NHERF4: variants seen among roughly 807,000 people sequenced by gnomAD.
The protein encoded by NHERF4 is Na(+)/H(+) exchange regulatory cofactor NHE-RF4.
the NHERF4 span, chr11:119,188,649 T>C: frequency 6.5e-4 from 1,056 of 1,614,070 alleles, 4 homozygotes; most frequent in Middle Eastern, 4.5e-3. Flanking sequence ...GGTTCGCCTG[T>C]CCCCACTCCT....
the NHERF4 span, chr11:119,186,179 C>A: frequency 1.2e-6 from 2 of 1,614,146 alleles, no homozygotes; most frequent in Non-Finnish European, 8.5e-7. This position sits in a 1 kb window ranked among gnomAD's most constrained non-coding sequence, Gnocchi z 4.4. Flanking sequence ...ACTCCCTCAC[C>A]CCCTGGCAAC....
chr11:119,189,026 GC>G, the NHERF4 span: 1 of 1,614,114 alleles, frequency 6.2e-7, no homozygotes, highest in Non-Finnish European at 8.5e-7. The surrounding 1 kb of genome is among the most constrained non-coding windows in gnomAD (Gnocchi z 5.8). Flanking sequence ...AGGCTCAGCT[GC>G]CCGGGCTGGG....
the NHERF4 span, chr11:119,187,223 G>A: frequency 1.4e-6 from 2 of 1,456,248 alleles, no homozygotes; most frequent in Non-Finnish European, 9.1e-7. Context: ...CCTGGGGGTT[G>A]GCAAGAGGGT....
the NHERF4 span, chr11:119,188,328 G>A: frequency 2.5e-6 from 4 of 1,612,722 alleles, no homozygotes; most frequent in Non-Finnish European, 3.4e-6. Context: ...TAGCTGGAGA[G>A]GAGCAGTGAG....
At chr11:119,187,743 T>TGGGCCC in the NHERF4 span, 48 of 1,472,122 alleles carry the variant, frequency 3.3e-5, no homozygotes, top group South Asian at 2.6e-4. Flanking sequence ...AATCCGGGCC[T>TGGGCCC]GGGCCCCACC....
chr11:119,189,545 CAGCCTG>C, the NHERF4 span: 3 of 1,588,342 alleles, frequency 1.9e-6, no homozygotes, highest in African/African-American at 4.0e-5. This position sits in a 1 kb window ranked among gnomAD's most constrained non-coding sequence, Gnocchi z 5.8. Flanking sequence ...CTTCACTCTC[CAGCCTG>C]AGGTGGTGAA....
At chr11:119,188,362 C>T in the NHERF4 span, 4 of 1,613,928 alleles carry the variant, frequency 2.5e-6, no homozygotes, top group South Asian at 4.4e-5. Flanking sequence ...CAGGACAGTT[C>T]CTGTGGGAGG....
the NHERF4 span, chr11:119,186,687 G>T: frequency 2.1e-5 from 34 of 1,601,580 alleles, no homozygotes; most frequent in East Asian, 5.2e-4. This position sits in a 1 kb window ranked among gnomAD's most constrained non-coding sequence, Gnocchi z 4.4. Context: ...AAGACTATGC[G>T]GTGGTAAGGC....
the NHERF4 span, among the ~76,000 whole-genome samples, chr11:119,186,982 T>A: frequency 6.6e-6 from 1 of 151,656 alleles, no homozygotes; most frequent in African/African-American, 2.4e-5. This position sits in a 1 kb window ranked among gnomAD's most constrained non-coding sequence, Gnocchi z 4.4. Context: ...CTACTAAAAA[T>A]ACAGAAATTA....
At chr11:119,187,183 T>A in the NHERF4 span, 1 of 1,097,254 alleles carries the variant, frequency 9.1e-7, no homozygotes, top group Non-Finnish European at 1.2e-6. Context: ...GCCGATTCCC[T>A]TGGCAAAAAA....
chr11:119,187,326 G>C, the NHERF4 span: 4 of 1,612,722 alleles, frequency 2.5e-6, no homozygotes, highest in Non-Finnish European at 3.4e-6. Context: ...TATTGGCACG[G>C]CATGCACATG....
At chr11:119,188,812 G>A in the NHERF4 span, 1 of 1,614,204 alleles carries the variant, frequency 6.2e-7, no homozygotes, top group Non-Finnish European at 8.5e-7. Flanking sequence ...CCTGGTGGCA[G>A]CTATGGCTTC....
At chr11:119,186,250 T>G in the NHERF4 span, 1 of 1,613,402 alleles carries the variant, frequency 6.2e-7, no homozygotes, top group African/African-American at 1.3e-5. This position sits in a 1 kb window ranked among gnomAD's most constrained non-coding sequence, Gnocchi z 4.4. Context: ...TGGTAACCAC[T>G]CACTCGGTCT....
At chr11:119,185,704 A>C in the NHERF4 span, 1 of 776,844 alleles carries the variant, frequency 1.3e-6, no homozygotes, top group Non-Finnish European at 2.2e-6. Context: ...ATATGCTCAG[A>C]TTTATGTGCC....
chr11:119,186,604 A>G, the NHERF4 span: 123 of 1,613,856 alleles, frequency 7.6e-5, no homozygotes, highest in South Asian at 1.3e-3. The surrounding 1 kb of genome is among the most constrained non-coding windows in gnomAD (Gnocchi z 4.4). Flanking sequence ...GGACCCAGGC[A>G]CCTCTGCCCA....
chr11:119,188,441 G>A, the NHERF4 span: 1 of 1,613,544 alleles, frequency 6.2e-7, no homozygotes, highest in Non-Finnish European at 8.5e-7. Flanking sequence ...TGTGGCTGGG[G>A]AGAGCGTGGA....
chr11:119,189,303 G>A, the NHERF4 span: 1 of 1,497,466 alleles, frequency 6.7e-7, no homozygotes, highest in South Asian at 1.2e-5. This position sits in a 1 kb window ranked among gnomAD's most constrained non-coding sequence, Gnocchi z 5.8. Flanking sequence ...GTGAAGCCGT[G>A]TGGGGTATGC....
chr11:119,188,062 G>A, the NHERF4 span: 4 of 1,552,364 alleles, frequency 2.6e-6, no homozygotes, highest in South Asian at 4.8e-5. Context: ...TGCCCACCAA[G>A]CCCCGCTGCC....
chr11:119,186,758 G>C, the NHERF4 span: 2 of 1,420,846 alleles, frequency 1.4e-6, no homozygotes, highest in Admixed American at 2.4e-5. This position sits in a 1 kb window ranked among gnomAD's most constrained non-coding sequence, Gnocchi z 4.4. Context: ...AGTCCCCTGG[G>C]CAGTATGGCA....
Sources: allele counts gnomAD v4.1 joint callset (sites outside exome capture counted in the v4.1 genomes callset), GRCh38; gene constraint gnomAD v4.1.1; non-coding constraint Gnocchi (gnomAD v3.1); transcripts MANE v1.5; gene names NCBI Gene and HGNC (gene_info 2026-07-23, HGNC 2026-07-21).